Variants in AIG1 observed in about 807,000 individuals in gnomAD.
AIG1 encodes the protein androgen induced 1, also known as androgen-induced gene 1 protein.
Under a neutral mutation model 31.4 loss-of-function variants are expected in AIG1, and 23 were observed. That is an observed-to-expected ratio of 0.73 (90% CI 0.53 to 1.04). The LOEUF (loss-of-function observed/expected upper bound fraction) is 1.04, where lower values mean the gene tolerates loss of function less well. Among genes scored for constraint, AIG1 ranks in the 50% least tolerant of loss-of-function variants. AIG1 has a pLI of 0.00. For synonymous variants in AIG1, 100 were observed against 110.5 expected (o/e 0.90, Z 0.60); for missense variants, 274 against 295.0 (o/e 0.93, Z 0.52).
At chr6:143,205,553 A>T (rs1791046344) in intron 3 of AIG1, among the ~76,000 whole-genome samples, 1 of 152,226 alleles carries the variant, frequency 6.6e-6, no homozygotes, top group Non-Finnish European at 1.5e-5. Flanking sequence ...TAAATACATT[A>T]CCTTTGCTCA....
Position 143,279,201 on chromosome 6 carries a change from A to AC in AIG1, c.400-4908dup, listed in dbSNP as rs1358200982. Among the ~76,000 whole-genome samples the AC allele has an allele frequency of 1.3e-5, 2 of 152,180 alleles. No homozygotes were observed. Among genetic ancestry groups the AC allele is most frequent in the African/African-American group, 4.8e-5 (2 of 41,436 alleles). Reference sequence around the variant, plus strand: ...TCTTCTGATTCTAAAAGAAACTAAGACATTTTCATGGGCCCTGGCACTGTG... The same window carrying AC: ...TCTTCTGATTCTAAAAGAAACTAAGACCATTTTCATGGGCCCTGGCACTGTG... On this transcript the variant is annotated intron_variant, in intron 3 of 5. Coordinates refer to ENST00000357847, the MANE Select transcript of AIG1 (RefSeq NM_016108.4). This position sits in a 1 kb window ranked among gnomAD's most constrained non-coding sequence, Gnocchi z 5.4.
rs1786784613 is a variant in AIG1 at position 143,164,981 on chromosome 6, ATT to A, written c.298-100_298-99del. 4.5e-6 allele frequency: 4 copies of A among 886,890 alleles called. No individual in the cohort carries two copies. The South Asian group carries it at 6.3e-5, about 14-fold the overall frequency. The allele number at this position is 886,890 out of a possible 1,614,324, so 54.9% of individuals were successfully genotyped here. Reference sequence around the variant, plus strand: ...TTTACTGAGCTGTCTTTCATCATAGATTCCAAATTCTGTTGGATTCTTTCAAC... The same window carrying A: ...TTTACTGAGCTGTCTTTCATCATAGACCAAATTCTGTTGGATTCTTTCAAC... On this transcript the variant is annotated intron_variant, in intron 2 of 5. Coordinates refer to ENST00000357847, the MANE Select transcript of AIG1 (RefSeq NM_016108.4).
intron 2 of AIG1, among the ~76,000 whole-genome samples, chr6:143,162,901 C>T (rs78308759): frequency 0.013 from 2,003 of 152,214 alleles, 43 homozygotes; most frequent in African/African-American, 0.043. Flanking sequence ...GGAAGAGGTG[C>T]ATGCTCCGCA....
intron 3 of AIG1, among the ~76,000 whole-genome samples, chr6:143,174,785 G>A (rs983267473): frequency 4.6e-5 from 7 of 152,160 alleles, no homozygotes; most frequent in Non-Finnish European, 8.8e-5. Flanking sequence ...CTTTTAAGTA[G>A]AGGATTTAGG....
At chr6:143,315,025 A>G (rs1775623150) in intron 4 of AIG1, among the ~76,000 whole-genome samples, 1 of 152,158 alleles carries the variant, frequency 6.6e-6, no homozygotes, top group Admixed American at 6.6e-5. Flanking sequence ...TAGGAATGCT[A>G]CATTTTCTAG....
chr6:143,262,967 A>G (rs1795904673), intron 3 of AIG1, among the ~76,000 whole-genome samples: 2 of 152,222 alleles, frequency 1.3e-5, no homozygotes, highest in Admixed American at 1.3e-4. Flanking sequence ...TATTCATAAA[A>G]TTAACACCAC....
At chr6:143,294,074 T>C (rs1018365390) in intron 4 of AIG1, among the ~76,000 whole-genome samples, 1 of 152,106 alleles carries the variant, frequency 6.6e-6, no homozygotes, top group Admixed American at 6.5e-5. Flanking sequence ...CCTGAGACAA[T>C]AGGAAAAGGG....
At position 143,156,178 on chromosome 6, in the gene AIG1, C is replaced by T. The variant is rs1014528754; in HGVS notation, c.298-8904C>T. ...TTTGCAATTTATCCCTCTGAGGTCT[C>T]TTGTAGGTATATAAAAACATACATG... On this transcript the variant is annotated intron_variant, in intron 2 of 5. Coordinates refer to ENST00000357847, the MANE Select transcript of AIG1 (RefSeq NM_016108.4). 3.3e-5 allele frequency among the ~76,000 whole-genome samples: 5 copies of T among 152,128 alleles called. 1 individual carries two copies. The highest frequency in any genetic ancestry group is 2.6e-4 in the Admixed American group (4 of 15,276).
chr6:143,122,387 T>C (rs527611243), intron 1 of AIG1, among the ~76,000 whole-genome samples: 1 of 152,238 alleles, frequency 6.6e-6, no homozygotes, highest in South Asian at 2.1e-4. Context: ...ATATACTTTG[T>C]ATGTTTGTAA....
intron 3 of AIG1, among the ~76,000 whole-genome samples, chr6:143,260,545 T>C (rs1406039789): frequency 6.6e-6 from 1 of 152,208 alleles, no homozygotes; most frequent in African/African-American, 2.4e-5. Flanking sequence ...TGTGGGGTGC[T>C]GTGGTCGCAA....
At chr6:143,216,905 A>T (rs1047261521) in intron 3 of AIG1, among the ~76,000 whole-genome samples, 2 of 152,184 alleles carry the variant, frequency 1.3e-5, no homozygotes, top group Non-Finnish European at 2.9e-5. Flanking sequence ...CATTTAAATA[A>T]TCTCTAATCT....
intron 3 of AIG1, among the ~76,000 whole-genome samples, chr6:143,180,631 A>T (rs989022498): frequency 6.6e-6 from 1 of 152,198 alleles, no homozygotes. Context: ...CTGAAGAACT[A>T]ATTCATGTTT....
At chr6:143,267,517 A>G (rs544324942) in intron 3 of AIG1, among the ~76,000 whole-genome samples, 11 of 152,170 alleles carry the variant, frequency 7.2e-5, no homozygotes, top group Non-Finnish European at 1.6e-4. Flanking sequence ...CATGCAACCC[A>G]TAAAGTTGCA....
intron 1 of AIG1, among the ~76,000 whole-genome samples, chr6:143,103,225 A>G (rs1780464807): frequency 6.6e-6 from 1 of 152,212 alleles, no homozygotes; most frequent in Non-Finnish European, 1.5e-5. Flanking sequence ...TGTCAGGCCC[A>G]ATCAACAGCA....
At chr6:143,120,089 C>T (rs1562395652) in intron 1 of AIG1, among the ~76,000 whole-genome samples, 2 of 152,000 alleles carry the variant, frequency 1.3e-5, no homozygotes, top group Non-Finnish European at 2.9e-5. Flanking sequence ...GCCAGCAATG[C>T]CTGGCTAATT....
At chr6:143,161,850 G>A (rs562295348) in intron 2 of AIG1, among the ~76,000 whole-genome samples, 1 of 152,186 alleles carries the variant, frequency 6.6e-6, no homozygotes, top group Admixed American at 6.5e-5. Flanking sequence ...TCAGACTTAA[G>A]TGTGGAAAGA....
At chr6:143,183,050 G>T (rs751673656) in intron 3 of AIG1, among the ~76,000 whole-genome samples, 12 of 152,224 alleles carry the variant, frequency 7.9e-5, no homozygotes, top group Non-Finnish European at 1.5e-4. Context: ...GCCTGAGAAG[G>T]CCTGGACTGA....
chr6:143,295,885 A>G (rs1162419035), intron 4 of AIG1, among the ~76,000 whole-genome samples: 2 of 152,194 alleles, frequency 1.3e-5, no homozygotes, highest in Non-Finnish European at 2.9e-5. Flanking sequence ...TAAAGAAAAT[A>G]AAGAGGGCTT....
At chr6:143,309,014 T>C (rs2128705478) in intron 4 of AIG1, among the ~76,000 whole-genome samples, 1 of 151,864 alleles carries the variant, frequency 6.6e-6, no homozygotes. Context: ...AAGAAGCTGG[T>C]GGTGGGGAGT....
Sources: allele counts gnomAD v4.1 joint callset (sites outside exome capture counted in the v4.1 genomes callset), GRCh38; gene constraint gnomAD v4.1.1; non-coding constraint Gnocchi (gnomAD v3.1); transcripts MANE v1.5; gene names NCBI Gene and HGNC (gene_info 2026-07-23, HGNC 2026-07-21).